GNAO1: variants seen among roughly 807,000 people sequenced by gnomAD.
GNAO1 encodes the protein G protein subunit alpha o1.
For missense variants in GNAO1, 166 were observed against 478.7 expected (o/e 0.35, Z 6.10); for synonymous variants, 164 against 180.7 (o/e 0.91, Z 0.74).
chr16:56,199,613 C>G (rs1472763005), intron 2 of GNAO1, among the ~76,000 whole-genome samples: 1 of 152,164 alleles, frequency 6.6e-6, no homozygotes, highest in African/African-American at 2.4e-5. Context: ...TAACTTTGGG[C>G]AGATCATTTG....
At chr16:56,221,023 G>A (rs1220601360) in intron 2 of GNAO1, among the ~76,000 whole-genome samples, 1 of 152,118 alleles carries the variant, frequency 6.6e-6, no homozygotes, top group Non-Finnish European at 1.5e-5. Flanking sequence ...TGGGATTACA[G>A]GCATGAGCCA....
In GNAO1 at chr16:56,192,551, C is replaced by A. The variant is rs770947758; in HGVS notation, c.119-23C>A. 5 of 1,522,746 alleles carry A rather than the reference C, an allele frequency of 3.3e-6. No homozygotes were observed. The Admixed American group carries it at 6.8e-5, about 21-fold the overall frequency. The allele number at this position is 1,522,746 out of a possible 1,614,324, so 94.3% of individuals were successfully genotyped here. The stretch of plus-strand genomic sequence containing the variant: ...CTTAAGCTGACACTCACCAGTTTTT[C>A]CCCACTGTCTGTGTCCCAACAGGGG... On this transcript the variant is annotated intron_variant, in intron 1 of 8. Coordinates refer to ENST00000262493, the MANE Select transcript of GNAO1 (RefSeq NM_020988.3).
At chr16:56,276,178 C>T in intron 3 of GNAO1, 106 bp downstream of exon 3, 1 of 953,588 alleles carries the variant, frequency 1.0e-6, no homozygotes, top group Non-Finnish European at 1.5e-6. Context: ...AGAAGAGACT[C>T]CGCTATGTTT....
intron 2 of GNAO1, among the ~76,000 whole-genome samples, chr16:56,269,248 G>A (rs759555982): frequency 7.2e-5 from 11 of 152,072 alleles, no homozygotes; most frequent in African/African-American, 7.2e-5. Context: ...CCCCTCTGCC[G>A]CTCTTCTTTT....
At chr16:56,355,368 T>C (rs1418363199) in intron 8 of GNAO1, 1 of 152,654 alleles carries the variant, frequency 6.6e-6, no homozygotes, top group African/African-American at 2.4e-5. Flanking sequence ...CACTCACACA[T>C]GTCCAGATGG....
chr16:56,325,322 C>G (rs2037620356), intron 3 of GNAO1, among the ~76,000 whole-genome samples: 1 of 152,116 alleles, frequency 6.6e-6, no homozygotes. Context: ...ACTAAAAGTA[C>G]AAAATTAGCC....
chr16:56,314,122 A>G (rs2037485454), intron 3 of GNAO1, among the ~76,000 whole-genome samples: 1 of 152,236 alleles, frequency 6.6e-6, no homozygotes. Context: ...TTATATCAAA[A>G]ACTCACATTT....
In GNAO1 at chr16:56,215,649, C is replaced by T. The variant is rs60027247; in HGVS notation, c.161+23033C>T. On this transcript the variant is annotated intron_variant, in intron 2 of 8. Transcript: ENST00000262493. ...GTTCCTTGTCTAGGCTGTAAACCTC[C>T]TGTGGATTCTTGGGGCACAGTGAAT... 8.4e-3 allele frequency among the ~76,000 whole-genome samples: 1,282 copies of T among 152,320 alleles called. 20 individuals carry two copies. Among genetic ancestry groups the T allele is most frequent in the African/African-American group, 0.029 (1,219 of 41,562 alleles).
intron 2 of GNAO1, among the ~76,000 whole-genome samples, chr16:56,205,630 T>C (rs1224716688): frequency 2.6e-5 from 4 of 152,194 alleles, no homozygotes; most frequent in African/African-American, 9.7e-5. Flanking sequence ...CACATGGCCC[T>C]TGCTATTCCC....
chr16:56,318,066 A>G (rs1474262774), intron 3 of GNAO1, among the ~76,000 whole-genome samples: 2 of 152,140 alleles, frequency 1.3e-5, no homozygotes, highest in Non-Finnish European at 2.9e-5. Context: ...CGGGGTGGCA[A>G]TTTGGTACCA....
At chr16:56,352,431 T>TG (rs1342119402) in intron 7 of GNAO1, 1 of 152,392 alleles carries the variant, frequency 6.6e-6, no homozygotes, top group East Asian at 1.9e-4. Flanking sequence ...TAGGGGTCCC[T>TG]GGGGTAGGAG....
intron 2 of GNAO1, among the ~76,000 whole-genome samples, chr16:56,198,339 T>C (rs2036252051): frequency 6.6e-6 from 1 of 152,184 alleles, no homozygotes; most frequent in Non-Finnish European, 1.5e-5. Flanking sequence ...CACACAGCAT[T>C]GGTAGAAAGG....
chr16:56,208,738 A>G (rs1567438831), intron 2 of GNAO1, among the ~76,000 whole-genome samples: 1 of 152,230 alleles, frequency 6.6e-6, no homozygotes, highest in Non-Finnish European at 1.5e-5. Flanking sequence ...AAAGAGGTTG[A>G]ACAGCTTTTC....
chr16:56,336,943 CG>C (rs1430602678), intron 6 of GNAO1, 83 bp downstream of exon 6: 77 of 1,357,176 alleles, frequency 5.7e-5, no homozygotes, highest in Non-Finnish European at 7.2e-5. Flanking sequence ...CACTGGGCCT[CG>C]GGTGCCCACA....
intron 2 of GNAO1, among the ~76,000 whole-genome samples, chr16:56,194,698 A>T (rs1005206935): frequency 2.0e-5 from 3 of 150,658 alleles, no homozygotes; most frequent in Non-Finnish European, 4.4e-5. Flanking sequence ...GGGAAGGAGG[A>T]GGGGGAGAGG....
chr16:56,328,892 A>AG (rs374186257), intron 4 of GNAO1, 101 bp downstream of exon 4: 154 of 1,202,322 alleles, frequency 1.3e-4, no homozygotes, highest in Middle Eastern at 8.6e-4. Context: ...TTCTCGGCTG[A>AG]GGTCACGCCT....
chr16:56,273,545 T>C (rs1239440663), intron 2 of GNAO1, among the ~76,000 whole-genome samples: 1 of 152,260 alleles, frequency 6.6e-6, no homozygotes, highest in Non-Finnish European at 1.5e-5. Flanking sequence ...CATGCTTTTC[T>C]GCTTCTTTGC....
At chr16:56,211,291 C>T (rs1277011039) in intron 2 of GNAO1, among the ~76,000 whole-genome samples, 7 of 152,220 alleles carry the variant, frequency 4.6e-5, no homozygotes, top group African/African-American at 1.4e-4. Context: ...ATGAAATAAA[C>T]GTGTTCAGGC....
At chr16:56,327,473 T>C (rs1372564025) in intron 3 of GNAO1, among the ~76,000 whole-genome samples, 1 of 152,088 alleles carries the variant, frequency 6.6e-6, no homozygotes, top group Non-Finnish European at 1.5e-5. Flanking sequence ...TGCCACTCGC[T>C]CCTGAGGTGG....
Sources: allele counts gnomAD v4.1 joint callset (sites outside exome capture counted in the v4.1 genomes callset), GRCh38; gene constraint gnomAD v4.1.1; transcripts MANE v1.5; gene names NCBI Gene and HGNC (gene_info 2026-07-23, HGNC 2026-07-21).